Variants in AGO1 observed in about 807,000 individuals in gnomAD.
The protein encoded by AGO1 is argonaute RISC component 1.
In AGO1, 11 loss-of-function variants were observed where a neutral mutation model predicts 109.2. The ratio of observed to expected loss-of-function variants is 0.10; its 90% CI spans 0.06 to 0.17. The LOEUF is 0.17. Ranked by LOEUF, AGO1 falls within the 10% of genes least tolerant of loss-of-function variation. AGO1 has a pLI of 1.00. For synonymous variants in AGO1, 422 were observed against 418.6 expected, an observed-to-expected ratio of 1.01 and a Z score of -0.10; for missense variants, 574 against 1,140.3, an observed-to-expected ratio of 0.50 and a Z score of 7.15.
chr1:35,873,629 C>A, intron 1 of AGO1: 1 of 158,934 alleles, frequency 6.3e-6, no homozygotes, highest in East Asian at 1.6e-4. Context: ...ATCAGTCTTC[C>A]TGATTTTTCA....
rs752999758 is a variant in AGO1, at chr1:35,883,463, G to C, written c.25+17G>C. The C allele has an allele frequency of 1.3e-6, 2 of 1,552,226 alleles. No homozygotes were observed. The highest frequency in any genetic ancestry group is 1.4e-5 in the African/African-American group (1 of 69,828). ...CGGGAGCAGGTAAGGGTCCCCAGGA[G>C]GGGGAACGGTGCATGCTCCAAGGAC... On this transcript the variant is annotated intron_variant, in intron 1 of 18. Coordinates refer to ENST00000373204, the MANE Select transcript of AGO1 (RefSeq NM_012199.5). This position sits in a 1 kb window ranked among gnomAD's most constrained non-coding sequence, Gnocchi z 5.4.
intron 11 of AGO1, 89 bp from the exon 12 acceptor site, chr1:35,906,846 A>G (rs972799818): frequency 7.4e-6 from 8 of 1,075,910 alleles, no homozygotes; most frequent in South Asian, 3.1e-5. Context: ...AGTGCCTCTT[A>G]TAGTGCTAAG....
intron 1 of AGO1, among the ~76,000 whole-genome samples, chr1:35,887,232 C>G (rs913426862): frequency 6.6e-6 from 1 of 152,086 alleles, no homozygotes; most frequent in Non-Finnish European, 1.5e-5. Flanking sequence ...TTCCTGACCC[C>G]CAGCTGAGGG....
intron 8 of AGO1, among the ~76,000 whole-genome samples, chr1:35,899,933 G>A (rs1280169298): frequency 6.6e-6 from 1 of 152,196 alleles, no homozygotes; most frequent in African/African-American, 2.4e-5. Flanking sequence ...AAATGGCAAA[G>A]CTGGACTTCA....
At position 35,927,423 on chromosome 1, in the gene AGO1, C is replaced by G. The variant is rs1645951847; in HGVS notation, c.*7816C>G. The G allele has an allele frequency of 6.6e-6, 1 of 152,122 alleles. No individual in the cohort carries two copies. The highest frequency in any genetic ancestry group is 2.4e-5 in the African/African-American group (1 of 41,418). 9.4% of individuals were successfully genotyped at this position (152,122 alleles called of 1,614,324 possible). A position where few individuals can be genotyped will look rare whatever the true frequency, so the allele number is the denominator to read the frequency against. On this transcript the variant is annotated 3_prime_UTR_variant, in exon 19 of 19. Coordinates refer to ENST00000373204, the MANE Select transcript of AGO1 (RefSeq NM_012199.5). ...GCCATCCTCCATGTTTATCCTCACG[C>G]CAGTTCGCCTCATGGTCCCAATATG... is the stretch of plus-strand genomic sequence containing the variant.
intron 1 of AGO1, among the ~76,000 whole-genome samples, chr1:35,871,143 G>T (rs1353682017): frequency 1.3e-5 from 2 of 152,156 alleles, no homozygotes; most frequent in African/African-American, 4.8e-5. Context: ...AGTGTTGGTT[G>T]TACCAGTTTA....
intron 8 of AGO1, among the ~76,000 whole-genome samples, chr1:35,898,193 A>G (rs1329520032): frequency 6.6e-6 from 1 of 152,116 alleles, no homozygotes; most frequent in East Asian, 1.9e-4. Flanking sequence ...TTTTTGTGTG[A>G]ACATAAGTTT....
In AGO1 at chr1:35,919,034, C is replaced by A. The variant is rs1189271057; in HGVS notation, c.2266-21C>A. 1 of 1,613,080 alleles carries A rather than the reference C, an allele frequency of 6.2e-7. No individual in the cohort carries two copies. Among genetic ancestry groups the A allele is most frequent in the Admixed American group, 1.7e-5 (1 of 60,010 alleles). ...ATCTTCTCTGCCCAGCCTGGGACCC[C>A]TCACCTTCCTATCTTCCCAGGGCAC... On this transcript the variant is annotated intron_variant, in intron 17 of 18. Coordinates refer to ENST00000373204, the MANE Select transcript of AGO1 (RefSeq NM_012199.5). This position sits in a 1 kb window ranked among gnomAD's most constrained non-coding sequence, Gnocchi z 6.6.
rs1645265474 is a variant in AGO1, at chr1:35,893,769, C to A, written c.608C>A (p.Ser203Tyr). Residue 203 changes from serine to tyrosine, a missense_variant, in exon 5 of 19, where the codon TCT (serine) becomes TAT (tyrosine). Physicochemically the swap from Ser to Tyr is moderately radical, Grantham distance 144. Transcript: ENST00000373204. This position sits in a 1 kb window ranked among gnomAD's most constrained non-coding sequence, Gnocchi z 5.6. ...GREVWFGFHQ[S>Y]VRPAMWKMML... ...GAGGTCTGGTTCGGCTTTCACCAGT[C>A]TGTGCGCCCTGCCATGTGGAAGATG... 6.2e-7 allele frequency: 1 copy of A among 1,613,820 alleles called. No individual in the cohort carries two copies. The highest frequency in any genetic ancestry group is 8.5e-7 in the Non-Finnish European group (1 of 1,179,934).
chr1:35,882,166 C>G (rs1571336296), upstream of AGO1, among the ~76,000 whole-genome samples: 1 of 152,138 alleles, frequency 6.6e-6, no homozygotes, highest in Non-Finnish European at 1.5e-5. The surrounding 1 kb of genome is among the most constrained non-coding windows in gnomAD (Gnocchi z 5.1). Flanking sequence ...TTGGTTTGGA[C>G]TTCTTAAATT....
Position 35,888,754 on chromosome 1 carries a change from G to T in AGO1, c.209+144G>T. ...ACGGGAGATGCCACGTCGGGTAAAT[G>T]CTGAAAAATAGTCCAATTGGACTTC... On this transcript the variant is annotated intron_variant, in intron 2 of 18. Coordinates refer to ENST00000373204, the MANE Select transcript of AGO1 (RefSeq NM_012199.5). This position sits in a 1 kb window ranked among gnomAD's most constrained non-coding sequence, Gnocchi z 4.1. 1.1e-6 allele frequency: 1 copy of T among 904,566 alleles called. No homozygotes were observed. The highest frequency in any genetic ancestry group is 1.8e-5 in the South Asian group (1 of 55,234). The allele number at this position is 904,566 out of a possible 1,614,324, so 56.0% of individuals were successfully genotyped here.
At chr1:35,879,734 C>CA (rs71034705), upstream of AGO1, among the ~76,000 whole-genome samples, 35,217 of 57,354 alleles carry the variant, frequency 0.61, 14,283 homozygotes, top group Non-Finnish European at 0.67. Flanking sequence ...GGTTCTGTCT[C>CA]AAAAAAAAAA....
At chr1:35,905,113 G>T (rs1453614188) in intron 11 of AGO1, among the ~76,000 whole-genome samples, 2 of 152,208 alleles carry the variant, frequency 1.3e-5, no homozygotes, top group Non-Finnish European at 2.9e-5. Flanking sequence ...ATTGGACACA[G>T]TATTCCAAGT....
chr1:35,917,725 C>G lies in AGO1; in HGVS notation c.2161C>G (p.Arg721Gly), dbSNP rs1557623659. ...TRLFCADKNE[R>G]IGKSGNIPAG... ...CCTTTTCTGTGCTGACAAGAATGAG[C>G]GAGTGAGTGAGGGACTGAGGCCTCC... The change falls in exon 16 of 19, where the codon CGA becomes GGA. Residue 721 changes from arginine (R) to glycine (G), a missense_variant and splice_region_variant. Arg to Gly is a moderately radical substitution (Grantham distance 125). Coordinates refer to ENST00000373204, the MANE Select transcript of AGO1 (RefSeq NM_012199.5). The G allele has an allele frequency of 6.2e-7, 1 of 1,612,394 alleles. No individual in the cohort carries two copies. Among genetic ancestry groups the G allele is most frequent in the Non-Finnish European group, 8.5e-7 (1 of 1,178,712 alleles).
chr1:35,916,454 G>A (rs1489685348), intron 15 of AGO1, among the ~76,000 whole-genome samples: 1 of 152,068 alleles, frequency 6.6e-6, no homozygotes, highest in African/African-American at 2.4e-5. Context: ...TGCAGCTTCT[G>A]CCTCCCGGGC....
intron 8 of AGO1, among the ~76,000 whole-genome samples, chr1:35,895,839 A>G (rs919059494): frequency 3.3e-5 from 5 of 152,312 alleles, no homozygotes; most frequent in South Asian, 2.1e-4. Flanking sequence ...TTTGTTTGGT[A>G]TATACTAGCC....
intron 12 of AGO1, among the ~76,000 whole-genome samples, chr1:35,910,602 T>C (rs1298492752): frequency 2.0e-5 from 3 of 152,198 alleles, no homozygotes; most frequent in Non-Finnish European, 2.9e-5. Flanking sequence ...ATTTAAACTT[T>C]ATATAAATAG....
At position 35,906,936 on chromosome 1, in the gene AGO1, A is replaced by C; in HGVS notation, c.1399A>C (p.Asn467His). Residue 467 changes from asparagine to histidine, a missense_variant and splice_region_variant, in exon 12 of 19, where the codon AAC (asparagine) becomes CAC (histidine). This residue lies in a region of AGO1 where 106 missense variants were observed against 147.8 expected (regional missense o/e 0.72). Coordinates refer to ENST00000373204, the MANE Select transcript of AGO1 (RefSeq NM_012199.5). The part of the protein sequence containing the change: ...QKQCREEVLK[N>H]FTDQLRKISK... ...CTTTGTGACCATGCGTGTGTACAGG[A>C]ACTTCACAGACCAGCTGCGGAAGAT... 6.2e-7 allele frequency: 1 copy of C among 1,610,500 alleles called. No homozygotes were observed. The highest frequency in any genetic ancestry group is 8.5e-7 in the Non-Finnish European group (1 of 1,177,886).
chr1:35,886,007 TG>T (rs1256101985), intron 1 of AGO1, among the ~76,000 whole-genome samples: 2 of 152,224 alleles, frequency 1.3e-5, no homozygotes, highest in African/African-American at 4.8e-5. Context: ...ATAGGCAGTC[TG>T]GCTCCTTGGG....
Sources: allele counts gnomAD v4.1 joint callset (sites outside exome capture counted in the v4.1 genomes callset), GRCh38; gene constraint gnomAD v4.1.1; regional missense constraint gnomAD v4.1.1; non-coding constraint Gnocchi (gnomAD v3.1); transcripts MANE v1.5; gene names NCBI Gene and HGNC (gene_info 2026-07-23, HGNC 2026-07-21).